Variants in LRG1 observed in about 807,000 individuals in gnomAD.
The protein encoded by LRG1 is leucine rich alpha-2-glycoprotein 1.
LRG1 carries 1 observed loss-of-function variant against 2.4 expected under a neutral mutation model. The ratio of observed to expected loss-of-function variants is 0.41; its 90% CI spans 0.15 to 1.95. LRG1 has a LOEUF of 1.95. Ranked by LOEUF, LRG1 falls within the 30% of genes most tolerant of loss-of-function variation. LRG1 has a pLI of 0.30. For synonymous variants in LRG1, 226 were observed against 210.6 expected (o/e 1.07, Z -0.63); for missense variants, 425 against 436.9 (o/e 0.97, Z 0.24).
chr19:4,537,472 C>A lies in LRG1; in HGVS notation c.*468G>T. 1 of 156,650 alleles carries A rather than the reference C, an allele frequency of 6.4e-6. No individual in the cohort carries two copies. Among genetic ancestry groups the A allele is most frequent in the Non-Finnish European group, 1.4e-5 (1 of 70,616 alleles). The allele number at this position is 156,650 out of a possible 1,614,324, so 9.7% of individuals were successfully genotyped here. Reference sequence around the variant, plus strand: ...TTGGGCATGGGTAAGGAAAGCCCATCGTGTGTTCTAGGAAGCATGGATGGA... The same window carrying A: ...TTGGGCATGGGTAAGGAAAGCCCATAGTGTGTTCTAGGAAGCATGGATGGA... On this transcript the variant is annotated 3_prime_UTR_variant, in exon 2 of 2. Coordinates refer to ENST00000306390, the MANE Select transcript of LRG1 (RefSeq NM_052972.3).
In LRG1 at chr19:4,538,660, C is replaced by T. The variant is rs116011838; in HGVS notation, c.324G>A (p.Ser108=). 512 of 1,613,154 alleles carry T rather than the reference C, an allele frequency of 3.2e-4. 3 individuals are homozygous for T. In the African/African-American group the frequency reaches 5.8e-3, roughly 18 times the overall value. The part of the protein sequence containing the change: ...HLSSNGLESL[S]PEFLRPVPQL... ...GCGGCACTGGCCGCAGGAATTCGGG[C>T]GAGAGGCTTTCCAGCCCATTGCTGG... Residue 108 remains serine (S), a synonymous_variant, in exon 2 of 2, where the codon TCG becomes TCA. Transcript: ENST00000306390.
In LRG1 at chr19:4,538,066, G is replaced by C. The variant is rs751236906; in HGVS notation, c.918C>G (p.Asn306Lys). The C allele has an allele frequency of 6.2e-7, 1 of 1,614,082 alleles. No homozygotes were observed. The highest frequency in any genetic ancestry group is 1.3e-5 in the African/African-American group (1 of 74,942). Reference protein sequence around the residue: ...ISGNPWICDQNLSDLYRWLQA... With the variant: ...ISGNPWICDQKLSDLYRWLQA... ...GAAGCCAACGATAGAGGTCGCTCAG[G>C]TTCTGGTCACAGATCCAGGGGTTGC... Residue 306 changes from asparagine (N) to lysine (K), a missense_variant, in exon 2 of 2, where the codon AAC becomes AAG. Coordinates refer to ENST00000306390, the MANE Select transcript of LRG1 (RefSeq NM_052972.3).
At position 4,536,461 on chromosome 19, in the gene LRG1, T is replaced by G. The variant is rs1447904434; in HGVS notation, c.*1479A>C. 1 of 152,064 alleles carries G rather than the reference T, an allele frequency of 6.6e-6. No homozygotes were observed. Among genetic ancestry groups the G allele is most frequent in the Non-Finnish European group, 1.5e-5 (1 of 68,068 alleles). The allele number at this position is 152,064 out of a possible 1,614,324, so 9.4% of individuals were successfully genotyped here. Reference sequence around the variant, plus strand: ...TTTCACTCTGTCGCCCAGCCTGGAGTGCAGTGGCGTGATCTTGGCTCACTG... The same window carrying G: ...TTTCACTCTGTCGCCCAGCCTGGAGGGCAGTGGCGTGATCTTGGCTCACTG... On this transcript the variant is annotated 3_prime_UTR_variant, in exon 2 of 2. Coordinates refer to ENST00000306390, the MANE Select transcript of LRG1 (RefSeq NM_052972.3).
At position 4,539,054 on chromosome 19, in the gene LRG1, C is replaced by T. The variant is rs907453943; in HGVS notation, c.33-103G>A. 7.5e-6 allele frequency: 9 copies of T among 1,198,596 alleles called. No individual in the cohort carries two copies. The South Asian group carries it at 1.7e-4, about 23-fold the overall frequency. 74.2% of individuals were successfully genotyped at this position (1,198,596 alleles called of 1,614,324 possible). A position where few individuals can be genotyped will look rare whatever the true frequency, so the allele number is the denominator to read the frequency against. ...CGCCCACTTCTTCCCATCTCTGCGG[C>T]TACCAGCCTGGACTATGCTACCTCA... On this transcript the variant is annotated intron_variant, in intron 1 of 1. Coordinates refer to ENST00000306390, the MANE Select transcript of LRG1 (RefSeq NM_052972.3).
rs1568248370 is a variant in LRG1 at position 4,537,910 on chromosome 19, A to AC, written c.*29dup. On this transcript the variant is annotated 3_prime_UTR_variant, in exon 2 of 2. Transcript: ENST00000306390. ...TAAGCGGGTTGCAGTGTTCTACCAG[A>AC]CCCCCCACCCTCAACCCAAGCCCCT... 6.3e-7 allele frequency: 1 copy of AC among 1,582,798 alleles called. No individual in the cohort carries two copies. The highest frequency in any genetic ancestry group is 2.2e-5 in the East Asian group (1 of 44,450).
chr19:4,538,491 CT>C lies in LRG1; in HGVS notation c.492del (p.Ala165LeufsTer44). On this transcript the variant is annotated frameshift_variant, in exon 2 of 2. Coordinates refer to ENST00000306390, the MANE Select transcript of LRG1 (RefSeq NM_052972.3). LOFTEE classifies it low-confidence loss of function (END_TRUNC). ...VLEVSWLHGL[K>X]ALGHLDLSGN... is the part of the protein sequence containing the mutation. ...CCAGACAGGTCCAGATGCCCCAGAGCTTTCAGGCCGTGTAGCCACGAGACCT... is the reference window on the plus strand; with the variant it reads ...CCAGACAGGTCCAGATGCCCCAGAGCTTCAGGCCGTGTAGCCACGAGACCT... 1.2e-6 allele frequency: 2 copies of C among 1,614,020 alleles called. No homozygotes were observed. The highest frequency in any genetic ancestry group is 2.2e-5 in the South Asian group (2 of 91,084).
In LRG1 at chr19:4,537,267, G is replaced by A. The variant is rs1238630604; in HGVS notation, c.*673C>T. The A allele has an allele frequency of 1.3e-5, 2 of 152,260 alleles. No homozygotes were observed. Among genetic ancestry groups the A allele is most frequent in the African/African-American group, 2.4e-5 (1 of 41,448 alleles). 9.4% of individuals were successfully genotyped at this position (152,260 alleles called of 1,614,324 possible). On this transcript the variant is annotated 3_prime_UTR_variant, in exon 2 of 2. Transcript: ENST00000306390. ...CCCCTTGGTTCTGACCCCAAGCTAA[G>A]TGGGACTCAGCATCAGACCCTGCAC...
At position 4,537,958 on chromosome 19, in the gene LRG1, T is replaced by A; in HGVS notation, c.1026A>T (p.Ala342=). The A allele has an allele frequency of 6.2e-7, 1 of 1,611,234 alleles. No homozygotes were observed. Among genetic ancestry groups the A allele is most frequent in the South Asian group, 1.1e-5 (1 of 91,004 alleles). The change falls in exon 2 of 2, where the codon GCA becomes GCT. Residue 342 remains alanine, a synonymous_variant. Coordinates refer to ENST00000306390, the MANE Select transcript of LRG1 (RefSeq NM_052972.3). ...CCTGGTCTCACTGGGACTTGGCCAC[T>A]GCCAGGAGCGTCTGGCCCTTCACGG... ...PEAVKGQTLL[A]VAKSQ is the part of the protein sequence containing the mutation.
In LRG1 at chr19:4,538,371, G is replaced by C. The variant is rs1976972226; in HGVS notation, c.613C>G (p.Pro205Ala). ...LGENQLETLP[P>A]DLLRGPLQLE... ...TGCAGCGGACCCCTCAGGAGGTCAG[G>C]TGGCAAGGTCTCCAACTGGTTCTCC... Residue 205 changes from proline (P) to alanine (A), a missense_variant, in exon 2 of 2, where the codon CCT (proline) becomes GCT (alanine). Physicochemically the swap from Pro to Ala is conservative, Grantham distance 27. Transcript: ENST00000306390. The C allele has an allele frequency of 1.9e-6, 3 of 1,614,082 alleles. No homozygotes were observed. The highest frequency in any genetic ancestry group is 2.5e-6 in the Non-Finnish European group (3 of 1,180,050).
chr19:4,538,116 T>C lies in LRG1; in HGVS notation c.868A>G (p.Met290Val), dbSNP rs773316198. 1.9e-6 allele frequency: 3 copies of C among 1,614,196 alleles called. No individual in the cohort carries two copies. The highest frequency in any genetic ancestry group is 1.1e-5 in the South Asian group (1 of 91,088). The stretch of plus-strand genomic sequence containing the variant: ...CCGGAGATGTCGAAGCCATCCCGCA[T>C]GTCCCAGTTTGGCTGCCCTAGGGAT... The part of the protein sequence containing the change: ...WASLGQPNWD[M>V]RDGFDISGNP... Residue 290 changes from methionine (M) to valine (V), a missense_variant, in exon 2 of 2, where the codon ATG (methionine) becomes GTG (valine). By Grantham distance (21) the Met-to-Val change is conservative. Transcript: ENST00000306390.
In LRG1 at chr19:4,538,651, G is replaced by A. The variant is rs781643619; in HGVS notation, c.333C>T (p.Phe111=). The change falls in exon 2 of 2, where the codon TTC becomes TTT. Residue 111 remains phenylalanine (F), a synonymous_variant. Transcript: ENST00000306390. Reference sequence around the variant, plus strand: ...CCCTCAGCTGCGGCACTGGCCGCAGGAATTCGGGCGAGAGGCTTTCCAGCC... The same window carrying A: ...CCCTCAGCTGCGGCACTGGCCGCAGAAATTCGGGCGAGAGGCTTTCCAGCC... The part of the protein sequence containing the change: ...SNGLESLSPE[F]LRPVPQLRVL... 2 of 1,613,072 alleles carry A rather than the reference G, an allele frequency of 1.2e-6. No individual in the cohort carries two copies. The highest frequency in any genetic ancestry group is 1.7e-5 in the Admixed American group (1 of 59,998).
At chr19:4,539,422 T>C (rs1976987592) in intron 1 of LRG1, among the ~76,000 whole-genome samples, 1 of 152,266 alleles carries the variant, frequency 6.6e-6, no homozygotes, top group Admixed American at 6.5e-5. Context: ...TTCTCTGCTC[T>C]GGGATCCTGG....
At chr19:4,539,023 C>G (rs1976983796) in intron 1 of LRG1, 72 bp from the exon 2 acceptor site, 3 of 1,390,138 alleles carry the variant, frequency 2.2e-6, no homozygotes, top group Non-Finnish European at 2.9e-6. Flanking sequence ...AATACACCAG[C>G]AAATCCGCCC....
Position 4,537,994 on chromosome 19 carries a change from A to G in LRG1, c.990T>C (p.Ala330=), listed in dbSNP as rs565461566. 6.2e-7 allele frequency: 1 copy of G among 1,613,806 alleles called. No individual in the cohort carries two copies. Among genetic ancestry groups the G allele is most frequent in the African/African-American group, 1.3e-5 (1 of 75,062 alleles). ...TCTGGCCCTTCACGGCTTCAGGCCC[A>G]GCACAGCGCGTGTCATTCTGGGAAA... The part of the protein sequence containing the change: ...KMFSQNDTRC[A]GPEAVKGQTL... Residue 330 remains alanine, a synonymous_variant, in exon 2 of 2, where the codon GCT becomes GCC. Coordinates refer to ENST00000306390, the MANE Select transcript of LRG1 (RefSeq NM_052972.3).
chr19:4,537,481 T>TAGGA lies in LRG1; in HGVS notation c.*455_*458dup, dbSNP rs1371921312. On this transcript the variant is annotated 3_prime_UTR_variant, in exon 2 of 2. Coordinates refer to ENST00000306390, the MANE Select transcript of LRG1 (RefSeq NM_052972.3). Reference sequence around the variant, plus strand: ...GGTAAGGAAAGCCCATCGTGTGTTCTAGGAAGCATGGATGGATGAAACGGG... The same window carrying TAGGA: ...GGTAAGGAAAGCCCATCGTGTGTTCTAGGAAGGAAGCATGGATGGATGAAACGGG... 2 of 164,902 alleles carry TAGGA rather than the reference T, an allele frequency of 1.2e-5. No individual in the cohort carries two copies. The highest frequency in any genetic ancestry group is 2.7e-5 in the Non-Finnish European group (2 of 74,946). The allele number at this position is 164,902 out of a possible 1,614,324, so 10.2% of individuals were successfully genotyped here.
chr19:4,538,917 G>T lies in LRG1; in HGVS notation c.67C>A (p.Leu23Met), dbSNP rs770756761. 1 of 1,515,194 alleles carries T rather than the reference G, an allele frequency of 6.6e-7. No homozygotes were observed. The highest frequency in any genetic ancestry group is 8.8e-7 in the Non-Finnish European group (1 of 1,130,834). The allele number at this position is 1,515,194 out of a possible 1,614,324, so 93.9% of individuals were successfully genotyped here. ...GGIQPHVSRT[L>M]FLLLLLAASA... ...GCTGCCAACAGCAGCAGCAGGAACA[G>T]AGTTCTAGAAACATGGGGTTGAATG... Residue 23 changes from leucine to methionine, a missense_variant, in exon 2 of 2, where the codon CTG (leucine) becomes ATG (methionine). Transcript: ENST00000306390.
Position 4,537,685 on chromosome 19 carries a change from A to G in LRG1, c.*255T>C, listed in dbSNP as rs999592266. 8.8e-6 allele frequency: 4 copies of G among 455,572 alleles called. No homozygotes were observed. The highest frequency in any genetic ancestry group is 2.0e-5 in the African/African-American group (1 of 50,890). 28.2% of individuals were successfully genotyped at this position (455,572 alleles called of 1,614,324 possible). A position where few individuals can be genotyped will look rare whatever the true frequency, so the allele number is the denominator to read the frequency against. On this transcript the variant is annotated 3_prime_UTR_variant, in exon 2 of 2. Transcript: ENST00000306390. ...CAAGTTCACGCCATTCTCCTGCCTC[A>G]GCCTCCCGAGTTGCTGGGACTACAG...
In LRG1 at chr19:4,537,680, G is replaced by GC. The variant is rs1568248276; in HGVS notation, c.*259dup. ...CCTCCCAAGTTCACGCCATTCTCCT[G>GC]CCTCAGCCTCCCGAGTTGCTGGGAC... On this transcript the variant is annotated 3_prime_UTR_variant, in exon 2 of 2. Coordinates refer to ENST00000306390, the MANE Select transcript of LRG1 (RefSeq NM_052972.3). 4.4e-6 allele frequency: 2 copies of GC among 451,038 alleles called. No homozygotes were observed. The highest frequency in any genetic ancestry group is 8.2e-5 in the East Asian group (2 of 24,452). 27.9% of individuals were successfully genotyped at this position (451,038 alleles called of 1,614,324 possible).
intron 1 of LRG1, chr19:4,539,216 C>T (rs936393966): frequency 3.5e-5 from 11 of 318,444 alleles, no homozygotes; most frequent in Middle Eastern, 8.8e-4. Context: ...GTGTAACTCC[C>T]GCATAATATG....
Sources: allele counts gnomAD v4.1 joint callset (sites outside exome capture counted in the v4.1 genomes callset), GRCh38; gene constraint gnomAD v4.1.1; transcripts MANE v1.5; gene names NCBI Gene and HGNC (gene_info 2026-07-23, HGNC 2026-07-21).